Variants in RTF2 observed in about 807,000 individuals in gnomAD.
The protein encoded by RTF2 is replication termination factor 2.
RTF2 carries 18 observed loss-of-function variants against 38.0 expected under a neutral mutation model. That is an observed-to-expected ratio of 0.47 (90% CI 0.33 to 0.70). The LOEUF is 0.70. Ranked by LOEUF, RTF2 falls within the 30% of genes least tolerant of loss-of-function variation. The pLI, the probability that RTF2 is intolerant of heterozygous loss-of-function variation, is 0.02. For synonymous variants in RTF2, 126 were observed against 137.1 expected, an observed-to-expected ratio of 0.92 and a Z score of 0.57; for missense variants, 311 against 379.6, an observed-to-expected ratio of 0.82 and a Z score of 1.50.
At chr20:56,492,560 A>T (rs535195168) in intron 5 of RTF2, among the ~76,000 whole-genome samples, 13 of 150,172 alleles carry the variant, frequency 8.7e-5, no homozygotes, top group South Asian at 4.2e-4. Flanking sequence ...TCTGTAATTT[A>T]AAAAAAAATT....
Position 56,497,182 on chromosome 20 carries a change from C to T in RTF2, c.477+12993C>T, listed in dbSNP as rs538159515. The T allele has an allele frequency of 4.2e-5, 65 of 1,551,334 alleles. No individual in the cohort carries two copies. The East Asian group carries it at 1.4e-3, about 34-fold the overall frequency. ...TTATACTTCATTGGGGCCTTTTCAT[C>T]AACATGAATACAATAAACATTTTGA... On this transcript the variant is annotated intron_variant, in intron 5 of 8. Transcript: ENST00000357348.
intron 5 of RTF2, among the ~76,000 whole-genome samples, chr20:56,503,597 G>A (rs542979632): frequency 1.3e-5 from 2 of 152,134 alleles, no homozygotes; most frequent in South Asian, 2.1e-4. Context: ...CTGCAACACC[G>A]ACATTTCAAA....
intron 5 of RTF2, among the ~76,000 whole-genome samples, chr20:56,485,026 A>G (rs1375932971): frequency 6.6e-6 from 1 of 152,164 alleles, no homozygotes; most frequent in Non-Finnish European, 1.5e-5. Flanking sequence ...GTGGGAAAGC[A>G]TACTGAATAA....
chr20:56,488,951 T>C (rs1460655063), intron 5 of RTF2, among the ~76,000 whole-genome samples: 1 of 152,230 alleles, frequency 6.6e-6, no homozygotes, highest in Non-Finnish European at 1.5e-5. Flanking sequence ...CTCTTGGCCT[T>C]GTTTTCCATT....
rs774785362 is a variant in RTF2 at position 56,491,702 on chromosome 20, T to G, written c.477+7513T>G. The G allele has an allele frequency of 1.8e-5, 28 of 1,552,252 alleles. 2 individuals are homozygous for G. In the South Asian group the frequency reaches 3.3e-4, roughly 18 times the overall value. On this transcript the variant is annotated intron_variant, in intron 5 of 8. Coordinates refer to ENST00000357348, the MANE Select transcript of RTF2 (RefSeq NM_016407.5). ...AAGCGGGTCTGTCGAGGGTTCGAAT[T>G]TGTTGGCAAACAGAGAAGGCGACTG...
chr20:56,486,820 G>C (rs1982819318), intron 5 of RTF2, among the ~76,000 whole-genome samples: 1 of 152,138 alleles, frequency 6.6e-6, no homozygotes, highest in Non-Finnish European at 1.5e-5. Context: ...GGTTAGTGGG[G>C]GAAAGAAAGG....
At chr20:56,481,492 G>A (rs17464224) in intron 4 of RTF2, among the ~76,000 whole-genome samples, 3,028 of 152,220 alleles carry the variant, frequency 0.02, 31 homozygotes, top group Middle Eastern at 0.031. Context: ...AATTTAAACC[G>A]CTTAGGGCTC....
At position 56,491,754 on chromosome 20, in the gene RTF2, C is replaced by T. The variant is rs547652286; in HGVS notation, c.477+7565C>T. ...ATGAGCCACGGCAGGTCTCCTGGTCCGTATACGCAGATGTCTTCGACGTAG... is the reference window on the plus strand; with the variant it reads ...ATGAGCCACGGCAGGTCTCCTGGTCTGTATACGCAGATGTCTTCGACGTAG... On this transcript the variant is annotated intron_variant, in intron 5 of 8. Transcript: ENST00000357348. The T allele has an allele frequency of 5.2e-5, 80 of 1,551,890 alleles. No individual in the cohort carries two copies. The South Asian group carries it at 6.4e-4, about 12-fold the overall frequency.
At chr20:56,486,842 C>T (rs533902587) in intron 5 of RTF2, among the ~76,000 whole-genome samples, 1 of 152,064 alleles carries the variant, frequency 6.6e-6, no homozygotes, top group Non-Finnish European at 1.5e-5. Flanking sequence ...AGCAGCAGTG[C>T]TCATGGGGCA....
rs759626991 is a variant in RTF2, at chr20:56,517,150, G to C, written c.691G>C (p.Ala231Pro). The stretch of plus-strand genomic sequence containing the variant: ...AGTTAAGACAGGGAAGCCTGAAGAA[G>C]CCAGCCTTGATTCTAGAGAGAAGAA... ...SKVKTGKPEE[A>P]SLDSREKKTN... The change falls in exon 8 of 9, where the codon GCC becomes CCC. Residue 231 changes from alanine to proline, a missense_variant. Ala to Pro is a conservative substitution (Grantham distance 27, BLOSUM62 -1). Coordinates refer to ENST00000357348, the MANE Select transcript of RTF2 (RefSeq NM_016407.5). The C allele has an allele frequency of 2.5e-6, 4 of 1,614,178 alleles. No homozygotes were observed. The highest frequency in any genetic ancestry group is 1.7e-5 in the Admixed American group (1 of 60,022).
chr20:56,474,867 T>C (rs1251140962), intron 3 of RTF2, 96 bp downstream of exon 3: 4 of 737,704 alleles, frequency 5.4e-6, no homozygotes, highest in Non-Finnish European at 6.5e-6. Context: ...ACTCAGAAAT[T>C]TGGGATTCCA....
chr20:56,468,872 G>A, intron 1 of RTF2, 106 bp downstream of exon 1: 1 of 907,476 alleles, frequency 1.1e-6, no homozygotes, highest in Non-Finnish European at 1.7e-6. Flanking sequence ...TCCAGACCTG[G>A]CTGCGGTCTT....
At chr20:56,483,360 C>T (rs549868110) in intron 4 of RTF2, among the ~76,000 whole-genome samples, 94 of 149,002 alleles carry the variant, frequency 6.3e-4, no homozygotes, top group Admixed American at 2.3e-3. Flanking sequence ...TTTTTTAAAG[C>T]GACAAGCGAC....
intron 5 of RTF2, among the ~76,000 whole-genome samples, chr20:56,493,511 C>T (rs1983304660): frequency 6.6e-6 from 1 of 151,956 alleles, no homozygotes; most frequent in Admixed American, 6.6e-5. Context: ...AAAAAATTAG[C>T]TGGGTTTGGT....
chr20:56,495,233 A>G, intron 5 of RTF2: 2 of 1,551,098 alleles, frequency 1.3e-6, no homozygotes, highest in East Asian at 4.9e-5. Flanking sequence ...TTCCTTCCTC[A>G]CTTTTCCGCT....
At chr20:56,497,390 A>G (rs555886196) in intron 5 of RTF2, 1 of 1,549,520 alleles carries the variant, frequency 6.5e-7, no homozygotes, top group African/African-American at 1.4e-5. Context: ...CAGATTTATG[A>G]GGGGTTTTGC....
chr20:56,472,669 CT>C (rs998426711), intron 1 of RTF2, among the ~76,000 whole-genome samples: 37 of 149,826 alleles, frequency 2.5e-4, no homozygotes, highest in African/African-American at 6.1e-4. Context: ...ATCTAACACA[CT>C]TTTTTTTTTC....
At chr20:56,470,644 A>T (rs1981911462) in intron 1 of RTF2, 1 of 456,038 alleles carries the variant, frequency 2.2e-6, no homozygotes. Flanking sequence ...CACCAGAAAC[A>T]CCAAGCCAAG....
At chr20:56,517,049 T>A (rs762300777) in intron 7 of RTF2, 57 bp from the exon 8 acceptor site, 1 of 1,607,772 alleles carries the variant, frequency 6.2e-7, no homozygotes, top group Non-Finnish European at 8.5e-7. Context: ...AGTCTGCTAA[T>A]ATGTTCATGC....
Sources: gnomAD v4.1 joint callset for allele counts (sites outside exome capture counted in the v4.1 genomes callset) on GRCh38, gnomAD v4.1.1 for gene constraint, MANE v1.5 for transcripts, NCBI Gene and HGNC (gene_info 2026-07-23, HGNC 2026-07-21) for gene names.